Variants in PTPRO observed in about 807,000 individuals in gnomAD.
PTPRO encodes receptor-type tyrosine-protein phosphatase O.
Under a neutral mutation model 145.2 loss-of-function variants are expected in PTPRO, and 62 were observed. That is an observed-to-expected ratio of 0.43 (90% CI 0.35 to 0.53). The LOEUF is 0.53. Ranked by LOEUF, PTPRO falls within the 20% of genes least tolerant of loss-of-function variation. PTPRO has a pLI of 0.01. For synonymous variants in PTPRO, 565 were observed against 514.7 expected, an observed-to-expected ratio of 1.10 and a Z score of -1.32; for missense variants, 1,345 against 1,482.7, an observed-to-expected ratio of 0.91 and a Z score of 1.53.
At chr12:15,381,301 C>A (rs1209731922) in intron 1 of PTPRO, among the ~76,000 whole-genome samples, 3 of 152,074 alleles carry the variant, frequency 2.0e-5, no homozygotes, top group Admixed American at 6.6e-5. Context: ...GTTTTAAATT[C>A]TTGCTATTAA....
chr12:15,498,983 G>A (rs1344306774), intron 3 of PTPRO, among the ~76,000 whole-genome samples: 1 of 151,986 alleles, frequency 6.6e-6, no homozygotes, highest in Admixed American at 6.6e-5. Flanking sequence ...TTTTTGGGCA[G>A]GTTCTGTCTG....
At chr12:15,452,017 GA>G (rs1941059004) in intron 1 of PTPRO, among the ~76,000 whole-genome samples, 2 of 151,660 alleles carry the variant, frequency 1.3e-5, no homozygotes, top group African/African-American at 4.9e-5. Flanking sequence ...GAATGAAGTT[GA>G]AACAAAAAAG....
chr12:15,473,200 G>C (rs1056996906), intron 1 of PTPRO, among the ~76,000 whole-genome samples: 1 of 152,140 alleles, frequency 6.6e-6, no homozygotes, highest in African/African-American at 2.4e-5. Flanking sequence ...ATTCAAATTC[G>C]ATAACTAATA....
intron 1 of PTPRO, among the ~76,000 whole-genome samples, chr12:15,327,859 A>T (rs1375075255): frequency 6.6e-6 from 1 of 152,070 alleles, no homozygotes; most frequent in Non-Finnish European, 1.5e-5. Flanking sequence ...CACGCCTGTA[A>T]TCCCAGCACT....
At chr12:15,524,145 T>C (rs1333518035) in intron 10 of PTPRO, among the ~76,000 whole-genome samples, 1 of 137,620 alleles carries the variant, frequency 7.3e-6, no homozygotes, top group Non-Finnish European at 1.5e-5. Flanking sequence ...TGTTAGAATT[T>C]AGCTTCGTGG....
chr12:15,560,309 C>A, intron 17 of PTPRO, 33 bp downstream of exon 17: 2 of 1,468,840 alleles, frequency 1.4e-6, no homozygotes, highest in Non-Finnish European at 1.9e-6. Context: ...TTAACACAAA[C>A]TCTTTAAAAG....
At chr12:15,382,170 A>ATATT (rs1397030945) in intron 1 of PTPRO, among the ~76,000 whole-genome samples, 3 of 148,470 alleles carry the variant, frequency 2.0e-5, no homozygotes, top group African/African-American at 7.4e-5. Flanking sequence ...ATATATATAT[A>ATATT]TATATATTTA....
intron 10 of PTPRO, among the ~76,000 whole-genome samples, chr12:15,524,566 T>A (rs969444954): frequency 3.3e-5 from 5 of 152,294 alleles, no homozygotes; most frequent in East Asian, 1.9e-4. Context: ...GACTTTGATA[T>A]CCTCAGGTAC....
At chr12:15,541,819 C>T (rs1943186135) in intron 12 of PTPRO, among the ~76,000 whole-genome samples, 1 of 152,172 alleles carries the variant, frequency 6.6e-6, no homozygotes, top group Non-Finnish European at 1.5e-5. Context: ...CGATACCAGC[C>T]TGGCCAACAT....
At chr12:15,580,177 C>A in intron 21 of PTPRO, 62 bp downstream of exon 21, 2 of 1,297,018 alleles carry the variant, frequency 1.5e-6, no homozygotes, top group Non-Finnish European at 2.2e-6. Context: ...ACTAGCAGGG[C>A]TATATGGATG....
rs753433762 is a variant in PTPRO, at chr12:15,515,491, T to C, written c.1465-7T>C. The C allele has an allele frequency of 6.2e-7, 1 of 1,613,822 alleles. No homozygotes were observed. The stretch of plus-strand genomic sequence containing the variant: ...TAAATAAATCTTATTGGGTGTTTGG[T>C]TTAAAGGTGAACTCAAGCAAACCTA... On this transcript the variant is annotated splice_region_variant and splice_polypyrimidine_tract_variant and intron_variant, in intron 7 of 26. Transcript: ENST00000281171.
At chr12:15,329,217 G>A (rs900221776) in intron 1 of PTPRO, among the ~76,000 whole-genome samples, 3 of 152,092 alleles carry the variant, frequency 2.0e-5, no homozygotes, top group Admixed American at 6.6e-5. Context: ...CCTTTAACCC[G>A]TATCAGAGAC....
intron 25 of PTPRO, 38 bp from the exon 26 acceptor site, chr12:15,594,899 A>G (rs754842407): frequency 3.5e-6 from 5 of 1,412,300 alleles, no homozygotes; most frequent in South Asian, 1.2e-5. Context: ...ATCTTTGCAC[A>G]TGTCTGCTCT....
chr12:15,388,644 A>T (rs1279470706), intron 1 of PTPRO, among the ~76,000 whole-genome samples: 1 of 152,206 alleles, frequency 6.6e-6, no homozygotes, highest in South Asian at 2.1e-4. Flanking sequence ...TTTTAGGAGG[A>T]TAGATAACAG....
intron 1 of PTPRO, among the ~76,000 whole-genome samples, chr12:15,383,850 T>C (rs1221492538): frequency 6.6e-6 from 1 of 152,154 alleles, no homozygotes; most frequent in Non-Finnish European, 1.5e-5. Context: ...GGGAAAGAGA[T>C]GCTCTATAGA....
chr12:15,436,600 G>T (rs186261313), intron 1 of PTPRO, among the ~76,000 whole-genome samples: 25 of 152,172 alleles, frequency 1.6e-4, no homozygotes, highest in African/African-American at 6.0e-4. Flanking sequence ...AGCTTAGGGA[G>T]AGTCTTGGAG....
intron 19 of PTPRO, among the ~76,000 whole-genome samples, chr12:15,573,761 C>T (rs7954504): frequency 0.043 from 6,588 of 152,212 alleles, 435 homozygotes; most frequent in African/African-American, 0.15. Flanking sequence ...CATTCTGCCC[C>T]CTACATCCTC....
In PTPRO at chr12:15,589,497, G is replaced by A. The variant is rs1003647788; in HGVS notation, c.3453G>A (p.Arg1151=). 1 of 1,614,152 alleles carries A rather than the reference G, an allele frequency of 6.2e-7. No homozygotes were observed. Among genetic ancestry groups the A allele is most frequent in the Non-Finnish European group, 8.5e-7 (1 of 1,180,004 alleles). Residue 1151 remains arginine (R), a synonymous_variant, in exon 25 of 27, where the codon AGG becomes AGA. Transcript: ENST00000281171. ...GRTGTFIALD[R]LLQHIRDHEF... is the part of the protein sequence containing the mutation. ...CAGGAACATTCATTGCCCTGGACAG[G>A]CTCTTGCAGCACATTCGGGATCATG...
chr12:15,506,529 C>T (rs1942324788), intron 6 of PTPRO, among the ~76,000 whole-genome samples: 1 of 152,160 alleles, frequency 6.6e-6, no homozygotes, highest in Non-Finnish European at 1.5e-5. Flanking sequence ...TCTCAGGAAA[C>T]TTACAATCAT....
Sources: gnomAD v4.1 joint callset for allele counts (sites outside exome capture counted in the v4.1 genomes callset) on GRCh38, gnomAD v4.1.1 for gene constraint, MANE v1.5 for transcripts, NCBI Gene and HGNC (gene_info 2026-07-23, HGNC 2026-07-21) for gene names.